Variants in NALF1 observed in about 807,000 individuals in gnomAD.
NALF1 encodes NALCN channel auxiliary factor 1, also known as family with sequence similarity 155 member A.
A neutral mutation model predicts 48.4 loss-of-function variants in NALF1; 3 were observed. That is an observed-to-expected ratio of 0.06 (90% CI 0.03 to 0.16). NALF1 has a LOEUF of 0.16. NALF1 is among the 10% of genes least tolerant of loss of function. The pLI, the probability that NALF1 is intolerant of heterozygous loss-of-function variation, is 1.00. For missense variants in NALF1, 526 were observed against 571.5 expected (o/e 0.92, Z 0.81); for synonymous variants, 262 against 245.7 (o/e 1.07, Z -0.62).
intron 1 of NALF1, among the ~76,000 whole-genome samples, chr13:107,246,675 T>C (rs1188182692): frequency 6.6e-6 from 1 of 152,152 alleles, no homozygotes; most frequent in Non-Finnish European, 1.5e-5. Flanking sequence ...CCAGAGCTTT[T>C]TGCCACTGAA....
chr13:107,834,899 G>A (rs997915637), intron 1 of NALF1, among the ~76,000 whole-genome samples: 1 of 152,130 alleles, frequency 6.6e-6, no homozygotes, highest in Non-Finnish European at 1.5e-5. Context: ...ACTAATTCCA[G>A]GTTTAACATG....
At chr13:107,488,904 C>T (rs1377249385) in intron 1 of NALF1, among the ~76,000 whole-genome samples, 1 of 152,078 alleles carries the variant, frequency 6.6e-6, no homozygotes, top group Non-Finnish European at 1.5e-5. Flanking sequence ...GCTTCTTAAG[C>T]TAAAAAACAA....
intron 1 of NALF1, among the ~76,000 whole-genome samples, chr13:107,358,238 G>C (rs1360893146): frequency 6.6e-6 from 1 of 151,900 alleles, no homozygotes; most frequent in Non-Finnish European, 1.5e-5. Context: ...CTCTGGAAAA[G>C]ACAATTTCGA....
chr13:107,573,368 C>T (rs1317115559), intron 1 of NALF1, among the ~76,000 whole-genome samples: 3 of 151,796 alleles, frequency 2.0e-5, no homozygotes, highest in Non-Finnish European at 2.9e-5. Flanking sequence ...GCAGTAAAAA[C>T]TGCTGACCTG....
intron 1 of NALF1, among the ~76,000 whole-genome samples, chr13:107,216,598 T>A (rs1180589400): frequency 6.6e-6 from 1 of 152,204 alleles, no homozygotes; most frequent in Non-Finnish European, 1.5e-5. Context: ...AATGTCTTCC[T>A]GTTTTCTGGT....
intron 1 of NALF1, among the ~76,000 whole-genome samples, chr13:107,569,459 G>A (rs955041479): frequency 6.6e-6 from 1 of 151,502 alleles, no homozygotes; most frequent in Non-Finnish European, 1.5e-5. Flanking sequence ...GCGACACAGC[G>A]AGACTCCGTC....
At chr13:107,325,159 C>T (rs1882328026) in intron 1 of NALF1, among the ~76,000 whole-genome samples, 1 of 152,068 alleles carries the variant, frequency 6.6e-6, no homozygotes, top group African/African-American at 2.4e-5. Context: ...TAGGACACAA[C>T]CATTTACTGT....
At chr13:107,865,484 G>A (rs1396942872) in intron 1 of NALF1, among the ~76,000 whole-genome samples, 198 bp downstream of exon 1, 1 of 152,094 alleles carries the variant, frequency 6.6e-6, no homozygotes, top group African/African-American at 2.4e-5. Context: ...AGGACTCCCA[G>A]AAGAAGGCAT....
At chr13:107,639,766 G>A (rs1334583159) in intron 1 of NALF1, among the ~76,000 whole-genome samples, 1 of 152,112 alleles carries the variant, frequency 6.6e-6, no homozygotes, top group Non-Finnish European at 1.5e-5. Context: ...AGTAAAGAGG[G>A]TCATGTCCAG....
intron 1 of NALF1, among the ~76,000 whole-genome samples, chr13:107,587,499 G>A (rs943725988): frequency 6.6e-6 from 1 of 152,000 alleles, no homozygotes; most frequent in Non-Finnish European, 1.5e-5. Context: ...AATAATTGTG[G>A]ACAAAATCAC....
intron 1 of NALF1, among the ~76,000 whole-genome samples, chr13:107,748,377 T>C (rs565567896): frequency 1.3e-5 from 2 of 152,324 alleles, no homozygotes; most frequent in African/African-American, 4.8e-5. Context: ...ATTACCTTGT[T>C]TAATATAAGG....
rs1566439904 is a variant in NALF1 at position 107,170,473 on chromosome 13, G to A, written c.*24C>T. The A allele has an allele frequency of 6.4e-7, 1 of 1,565,816 alleles. No individual in the cohort carries two copies. The highest frequency in any genetic ancestry group is 8.7e-7 in the Non-Finnish European group (1 of 1,155,224). On this transcript the variant is annotated 3_prime_UTR_variant, in exon 3 of 3. Coordinates refer to ENST00000375915, the MANE Select transcript of NALF1 (RefSeq NM_001080396.3). ...CATTTTTCACGGCGGGCCAGCTGCT[G>A]CTGTGGTGACACTCGTCCTTCCGTT...
intron 1 of NALF1, among the ~76,000 whole-genome samples, chr13:107,549,891 T>A (rs993908514): frequency 1.3e-5 from 2 of 152,158 alleles, no homozygotes; most frequent in African/African-American, 2.4e-5. Flanking sequence ...CCAATAAGAA[T>A]TGTATTTCCT....
chr13:107,548,911 T>A lies in NALF1; in HGVS notation c.915+316771A>T, dbSNP rs141551399. ...TATTTTGGGAATCCAAATATAAGTA[T>A]TATGCAGTTTCTGGGTGAGAAATGT... On this transcript the variant is annotated intron_variant, in intron 1 of 2. Coordinates refer to ENST00000375915, the MANE Select transcript of NALF1 (RefSeq NM_001080396.3). Among the ~76,000 whole-genome samples, 372 of 152,188 alleles carry A rather than the reference T, an allele frequency of 2.4e-3. 2 individuals are homozygous for A. Among genetic ancestry groups the A allele is most frequent in the African/African-American group, 8.1e-3 (338 of 41,544 alleles).
At chr13:107,709,440 C>A (rs569345038) in intron 1 of NALF1, among the ~76,000 whole-genome samples, 3 of 152,236 alleles carry the variant, frequency 2.0e-5, no homozygotes, top group African/African-American at 7.2e-5. Flanking sequence ...CTCTGTCAGG[C>A]CTTCAGATCA....
intron 1 of NALF1, among the ~76,000 whole-genome samples, chr13:107,244,799 G>A (rs1880546976): frequency 6.6e-6 from 1 of 152,158 alleles, no homozygotes; most frequent in African/African-American, 2.4e-5. Context: ...GTAAGTTGTT[G>A]TTATAAAGTT....
intron 1 of NALF1, among the ~76,000 whole-genome samples, chr13:107,727,163 C>T (rs1355302457): frequency 6.6e-6 from 1 of 151,860 alleles, no homozygotes. Context: ...AGACTCGAGA[C>T]CAGTGTGTCT....
chr13:107,813,565 C>T (rs955294426), intron 1 of NALF1, among the ~76,000 whole-genome samples: 2 of 152,000 alleles, frequency 1.3e-5, no homozygotes, highest in East Asian at 3.9e-4. Context: ...TACACATGTA[C>T]TAGGTGTTAT....
intron 1 of NALF1, among the ~76,000 whole-genome samples, chr13:107,350,092 G>A (rs1330684509): frequency 6.6e-6 from 1 of 152,158 alleles, no homozygotes; most frequent in Non-Finnish European, 1.5e-5. Flanking sequence ...GGGAGGCAGA[G>A]CTCAGGCGGT....
Sources: gnomAD v4.1 joint callset for allele counts (sites outside exome capture counted in the v4.1 genomes callset) on GRCh38, gnomAD v4.1.1 for gene constraint, MANE v1.5 for transcripts, NCBI Gene and HGNC (gene_info 2026-07-23, HGNC 2026-07-21) for gene names.